The following MACROD2 variants were observed in gnomAD, a reference collection of about 807,000 sequenced individuals.
The protein encoded by MACROD2 is mono-ADP ribosylhydrolase 2, also known as ADP-ribose glycohydrolase MACROD2.
In MACROD2, 36 loss-of-function variants were observed where a neutral mutation model predicts 70.4. The ratio of observed to expected loss-of-function variants is 0.51; its 90% CI spans 0.39 to 0.68. MACROD2 has a LOEUF of 0.68. Ranked by LOEUF, MACROD2 falls within the 30% of genes least tolerant of loss-of-function variation. The pLI, the probability that MACROD2 is intolerant of heterozygous loss-of-function variation, is 0.00. For missense variants in MACROD2, 496 were observed against 538.4 expected (o/e 0.92, Z 0.78); for synonymous variants, 172 against 178.8 (o/e 0.96, Z 0.30).
chr20:15,349,448 T>G (rs1487886445), intron 6 of MACROD2, among the ~76,000 whole-genome samples: 1 of 152,146 alleles, frequency 6.6e-6, no homozygotes, highest in Non-Finnish European at 1.5e-5. Flanking sequence ...AATATCTTTC[T>G]TGGAACACAC....
chr20:14,308,793 C>G (rs2082541810), intron 3 of MACROD2, among the ~76,000 whole-genome samples: 1 of 151,888 alleles, frequency 6.6e-6, no homozygotes, highest in Admixed American at 6.6e-5. Flanking sequence ...TACTAAGGAA[C>G]AGTTGTGGAG....
In MACROD2 at chr20:14,734,739, A is replaced by G. The variant is rs1005052332; in HGVS notation, c.418+49780A>G. 2.6e-5 allele frequency among the ~76,000 whole-genome samples: 4 copies of G among 152,170 alleles called. No homozygotes were observed. In the South Asian group the frequency reaches 8.3e-4, roughly 32 times the overall value. ...TTCACATTTCCCAATGTTAAAACAT[A>G]TTACAAAAATACAGTAGTCAAAACA... On this transcript the variant is annotated intron_variant, in intron 5 of 17. Coordinates refer to ENST00000684519, the MANE Select transcript of MACROD2 (RefSeq NM_001351661.2).
At chr20:14,124,139 C>A (rs1306279574) in intron 3 of MACROD2, among the ~76,000 whole-genome samples, 1 of 152,128 alleles carries the variant, frequency 6.6e-6, no homozygotes, top group Non-Finnish European at 1.5e-5. Flanking sequence ...TAAGCTGCAT[C>A]CAATTCCTAG....
rs369291798 is a variant in MACROD2, at chr20:15,026,224, A to C, written c.419-203716A>C. ...GAGTATCCAGTGGTAAATAAAAGGC[A>C]TTTACCATTGTTTAAGGTTAAACAA... is the stretch of plus-strand genomic sequence containing the variant. On this transcript the variant is annotated intron_variant, in intron 5 of 17. Coordinates refer to ENST00000684519, the MANE Select transcript of MACROD2 (RefSeq NM_001351661.2). Among the ~76,000 whole-genome samples the C allele has an allele frequency of 6.6e-4, 100 of 152,268 alleles. 3 individuals carry two copies. In the South Asian group the frequency reaches 0.019, roughly 30 times the overall value.
At chr20:15,902,219 C>G (rs2065074212) in intron 10 of MACROD2, among the ~76,000 whole-genome samples, 1 of 152,150 alleles carries the variant, frequency 6.6e-6, no homozygotes, top group Non-Finnish European at 1.5e-5. Flanking sequence ...AGCACTCATT[C>G]CACATACTTT....
intron 8 of MACROD2, among the ~76,000 whole-genome samples, chr20:15,705,551 C>T (rs6043469): frequency 6.6e-6 from 1 of 152,066 alleles, no homozygotes; most frequent in Non-Finnish European, 1.5e-5. Flanking sequence ...TCCCCAGTAG[C>T]TGGGATTATA....
chr20:15,664,051 G>C (rs890336580), intron 8 of MACROD2, among the ~76,000 whole-genome samples: 1 of 152,218 alleles, frequency 6.6e-6, no homozygotes, highest in African/African-American at 2.4e-5. Context: ...CAGTCTCTCT[G>C]TATGATAAAT....
intron 3 of MACROD2, among the ~76,000 whole-genome samples, chr20:14,317,833 G>C (rs1296085238): frequency 6.6e-6 from 1 of 152,088 alleles, no homozygotes; most frequent in Non-Finnish European, 1.5e-5. Context: ...TATCTCTAAA[G>C]TTATTGTGTG....
At chr20:15,039,280 C>G (rs2123021562) in intron 5 of MACROD2, among the ~76,000 whole-genome samples, 1 of 152,292 alleles carries the variant, frequency 6.6e-6, no homozygotes, top group Middle Eastern at 3.4e-3. Flanking sequence ...TCTTCTTGGC[C>G]TCTCTGTGTA....
intron 5 of MACROD2, among the ~76,000 whole-genome samples, chr20:14,816,088 G>C (rs1600692579): frequency 1.3e-5 from 2 of 152,054 alleles, no homozygotes; most frequent in African/African-American, 4.8e-5. Flanking sequence ...AAAAGGAGTT[G>C]AGTGGAAAAT....
chr20:15,949,657 T>C (rs2065878485), intron 12 of MACROD2, among the ~76,000 whole-genome samples: 1 of 152,166 alleles, frequency 6.6e-6, no homozygotes, highest in South Asian at 2.1e-4. Context: ...ATTGGTGCCT[T>C]CCATAGATTT....
At chr20:14,756,861 TAGTG>T (rs1479339360) in intron 5 of MACROD2, among the ~76,000 whole-genome samples, 1 of 152,086 alleles carries the variant, frequency 6.6e-6, no homozygotes, top group East Asian at 1.9e-4. Context: ...GTTCTCGTGA[TAGTG>T]AGTGAGTTCT....
At chr20:15,069,569 TTGCAGCCTCAGGACAC>T (rs1267459450) in intron 5 of MACROD2, among the ~76,000 whole-genome samples, 1 of 152,222 alleles carries the variant, frequency 6.6e-6, no homozygotes, top group African/African-American at 2.4e-5. Flanking sequence ...TCCACTTTCC[TTGCAGCCTCAGGACAC>T]TGCTCCCTGG....
intron 5 of MACROD2, among the ~76,000 whole-genome samples, chr20:14,797,746 G>A (rs1219733892): frequency 2.0e-5 from 3 of 151,950 alleles, no homozygotes; most frequent in African/African-American, 4.8e-5. Flanking sequence ...ATTAACATTT[G>A]TTTCTAATTG....
chr20:15,059,319 A>C (rs985589463), intron 5 of MACROD2, among the ~76,000 whole-genome samples: 9 of 151,864 alleles, frequency 5.9e-5, no homozygotes, highest in Non-Finnish European at 1.3e-4. Flanking sequence ...CAGGAGGTGG[A>C]GGCTGCAGTG....
At chr20:15,446,663 GCAGCTCAGGGGCTCCAAGC>G (rs1214065512) in intron 7 of MACROD2, among the ~76,000 whole-genome samples, 3 of 152,166 alleles carry the variant, frequency 2.0e-5, no homozygotes, top group Non-Finnish European at 2.9e-5. Context: ...GTGATCACCG[GCAGCTCAGGGGCTCCAAGC>G]TTCCGCAAGT....
At chr20:15,132,517 T>G (rs1172488540) in intron 5 of MACROD2, among the ~76,000 whole-genome samples, 4 of 151,954 alleles carry the variant, frequency 2.6e-5, no homozygotes, top group Non-Finnish European at 4.4e-5. Flanking sequence ...ATATTAGACC[T>G]CAAAGAAAAC....
intron 8 of MACROD2, among the ~76,000 whole-genome samples, chr20:15,839,963 C>T (rs1246136879): frequency 1.3e-5 from 2 of 152,006 alleles, no homozygotes; most frequent in Non-Finnish European, 2.9e-5. Context: ...TCTACTGGCT[C>T]CTAGAATTGT....
intron 6 of MACROD2, among the ~76,000 whole-genome samples, chr20:15,368,187 C>G (rs1308320248): frequency 6.6e-6 from 1 of 152,138 alleles, no homozygotes; most frequent in Non-Finnish European, 1.5e-5. Flanking sequence ...GAATCCATAT[C>G]CCTTGGGAAC....
Sources: allele counts gnomAD v4.1 joint callset (sites outside exome capture counted in the v4.1 genomes callset), GRCh38; gene constraint gnomAD v4.1.1; transcripts MANE v1.5; gene names NCBI Gene and HGNC (gene_info 2026-07-23, HGNC 2026-07-21).